UHRF2: variants seen among roughly 807,000 people sequenced by gnomAD.
UHRF2 encodes E3 ubiquitin-protein ligase UHRF2.
UHRF2 carries 23 observed loss-of-function variants against 96.8 expected under a neutral mutation model. The observed-to-expected ratio is 0.24, with a 90% CI of 0.17 to 0.34. UHRF2 has a LOEUF of 0.34. UHRF2 is among the 10% of genes least tolerant of loss of function. The pLI is 1.00. For missense variants in UHRF2, 685 were observed against 981.5 expected (o/e 0.70, Z 4.04); for synonymous variants, 385 against 332.6 (o/e 1.16, Z -1.72).
At chr9:6,469,666 G>GTC (rs1288885483) in intron 4 of UHRF2, among the ~76,000 whole-genome samples, 1 of 106,474 alleles carries the variant, frequency 9.4e-6, no homozygotes, top group African/African-American at 5.3e-5. Context: ...AGGTGTGTGT[G>GTC]TGTGTGTGTG....
At chr9:6,455,393 G>A (rs1203994349) in intron 3 of UHRF2, among the ~76,000 whole-genome samples, 2 of 152,082 alleles carry the variant, frequency 1.3e-5, no homozygotes, top group Non-Finnish European at 2.9e-5. Context: ...GCGGTGTTTG[G>A]TTTTTTGTAC....
chr9:6,469,666 G>T (rs1398209529), intron 4 of UHRF2, among the ~76,000 whole-genome samples: 2 of 106,522 alleles, frequency 1.9e-5, no homozygotes, highest in African/African-American at 1.1e-4. Context: ...AGGTGTGTGT[G>T]TGTGTGTGTG....
At chr9:6,471,360 A>G (rs1326404962) in intron 4 of UHRF2, among the ~76,000 whole-genome samples, 1 of 152,240 alleles carries the variant, frequency 6.6e-6, no homozygotes, top group Non-Finnish European at 1.5e-5. Context: ...TATGGTAGCC[A>G]TCTTTTAAGG....
intron 1 of UHRF2, among the ~76,000 whole-genome samples, chr9:6,414,853 C>T (rs1182409449): frequency 6.6e-6 from 1 of 152,100 alleles, no homozygotes; most frequent in Non-Finnish European, 1.5e-5. Flanking sequence ...TGTTATAGCA[C>T]CTTTGATTTG....
intron 6 of UHRF2, 135 bp from the exon 7 acceptor site, chr9:6,481,508 A>T (rs925083739): frequency 1.1e-6 from 1 of 941,688 alleles, no homozygotes; most frequent in East Asian, 2.5e-5. Context: ...TAGTATTTTA[A>T]TGCCAGTTAA....
chr9:6,469,648 T>TTGG, intron 4 of UHRF2, among the ~76,000 whole-genome samples: 1 of 131,686 alleles, frequency 7.6e-6, no homozygotes, highest in Non-Finnish European at 1.6e-5. Context: ...CACATAGGAC[T>TTGG]TGATGAAAGG....
intron 4 of UHRF2, among the ~76,000 whole-genome samples, chr9:6,471,729 G>A (rs1026848001): frequency 2.6e-5 from 4 of 152,118 alleles, no homozygotes; most frequent in Admixed American, 2.0e-4. Context: ...CCCCATATGA[G>A]TAAGTACAAG....
chr9:6,442,479 T>C (rs896295816), intron 3 of UHRF2, among the ~76,000 whole-genome samples: 1 of 150,834 alleles, frequency 6.6e-6, no homozygotes, highest in Non-Finnish European at 1.5e-5. Context: ...TTTGTTTTGT[T>C]TGTTTTGTTT....
At chr9:6,426,445 G>C (rs529928988) in intron 2 of UHRF2, among the ~76,000 whole-genome samples, 1 of 152,126 alleles carries the variant, frequency 6.6e-6, no homozygotes, top group Non-Finnish European at 1.5e-5. Context: ...TTCTCAGAAG[G>C]TTGCTGTTCA....
At chr9:6,434,554 T>C (rs962435264) in intron 3 of UHRF2, among the ~76,000 whole-genome samples, 2 of 152,254 alleles carry the variant, frequency 1.3e-5, no homozygotes, top group Non-Finnish European at 2.9e-5. Flanking sequence ...TTCTCCTGCC[T>C]CAGCCTCCCA....
At chr9:6,478,739 A>G (rs564210853) in intron 6 of UHRF2, among the ~76,000 whole-genome samples, 10 of 152,326 alleles carry the variant, frequency 6.6e-5, no homozygotes, top group Non-Finnish European at 1.2e-4. Context: ...TGTGAAAAAT[A>G]GATTGTTCCT....
chr9:6,458,453 G>A (rs1293017602), intron 3 of UHRF2, among the ~76,000 whole-genome samples: 3 of 145,242 alleles, frequency 2.1e-5, no homozygotes, highest in African/African-American at 7.4e-5. Flanking sequence ...CTGGATTGTT[G>A]ATTTTTTTTT....
chr9:6,420,283 C>T (rs1158929030), intron 1 of UHRF2, among the ~76,000 whole-genome samples: 1 of 151,924 alleles, frequency 6.6e-6, no homozygotes, highest in African/African-American at 2.4e-5. Flanking sequence ...TCTCAAACTC[C>T]TGACCTCGTC....
intron 3 of UHRF2, among the ~76,000 whole-genome samples, chr9:6,440,545 A>T (rs1343687280): frequency 2.0e-5 from 3 of 152,184 alleles, no homozygotes; most frequent in Admixed American, 2.0e-4. Flanking sequence ...TAAATATTTA[A>T]TTGCAAGTAT....
At chr9:6,478,941 A>G (rs1054788316) in intron 6 of UHRF2, among the ~76,000 whole-genome samples, 5 of 152,074 alleles carry the variant, frequency 3.3e-5, no homozygotes, top group South Asian at 4.1e-4. Context: ...TTCTTGTTCA[A>G]TGGATGACAT....
At chr9:6,455,045 A>G (rs1822095855) in intron 3 of UHRF2, among the ~76,000 whole-genome samples, 1 of 152,210 alleles carries the variant, frequency 6.6e-6, no homozygotes, top group Non-Finnish European at 1.5e-5. Context: ...TACCTTTGAT[A>G]GATTGAGCTT....
At chr9:6,447,911 G>T (rs544609009) in intron 3 of UHRF2, among the ~76,000 whole-genome samples, 3 of 152,176 alleles carry the variant, frequency 2.0e-5, no homozygotes, top group Non-Finnish European at 4.4e-5. Context: ...TTGGAGGAAG[G>T]CATGTGGAAT....
intron 15 of UHRF2, 89 bp from the exon 16 acceptor site, chr9:6,505,944 G>C (rs1816557534): frequency 7.2e-7 from 1 of 1,394,186 alleles, no homozygotes; most frequent in Non-Finnish European, 9.9e-7. Flanking sequence ...CTCATTACCA[G>C]TTTCTGGTTC....
rs79685842 is a variant in UHRF2 at position 6,482,410 on chromosome 9, A to G, written c.1392+311A>G. On this transcript the variant is annotated intron_variant, in intron 8 of 15. Transcript: ENST00000276893. ...TTAGCATTTGAAATATTAAACTTGAATCATGTGGCAAATTCTCATTGAATG... is the reference window on the plus strand; with the variant it reads ...TTAGCATTTGAAATATTAAACTTGAGTCATGTGGCAAATTCTCATTGAATG... Among the ~76,000 whole-genome samples, 34 of 152,288 alleles carry G rather than the reference A, an allele frequency of 2.2e-4. No individual in the cohort carries two copies. In the East Asian group the frequency reaches 6.6e-3, roughly 29 times the overall value.
Sources: gnomAD v4.1 joint callset for allele counts (sites outside exome capture counted in the v4.1 genomes callset) on GRCh38, gnomAD v4.1.1 for gene constraint, MANE v1.5 for transcripts, NCBI Gene and HGNC (gene_info 2026-07-23, HGNC 2026-07-21) for gene names.